RHBG: variants seen among roughly 807,000 people sequenced by gnomAD.
RHBG encodes Rh family B glycoprotein.
In RHBG, 39 loss-of-function variants were observed where a neutral mutation model predicts 40.1. The ratio of observed to expected loss-of-function variants is 0.97; its 90% CI spans 0.75 to 1.27. The LOEUF (loss-of-function observed/expected upper bound fraction) is 1.27. RHBG is among the 50% of genes most tolerant of loss of function. RHBG has a pLI of 0.00. For synonymous variants in RHBG, 237 were observed against 252.5 expected (o/e 0.94, Z 0.58); for missense variants, 549 against 588.1 (o/e 0.93, Z 0.69).
rs773474408 is a variant in RHBG at position 156,378,118 on chromosome 1, T to G, written c.503T>G (p.Phe168Cys). Residue 168 changes from phenylalanine to cysteine, a missense_variant, in exon 3 of 10, where the codon TTT becomes TGT. By Grantham distance (205) the Phe-to-Cys change is radical. Coordinates refer to ENST00000537040, the MANE Select transcript of RHBG (RefSeq NM_020407.5). ...GTGGTGCTGTTTGGCATCAATGAGTTTGTGCTCCTTCATCTCCTGGGGGTG... is the reference window on the plus strand; with the variant it reads ...GTGGTGCTGTTTGGCATCAATGAGTGTGTGCTCCTTCATCTCCTGGGGGTG... ...LEVVLFGINEFVLLHLLGVRD... is the reference protein window; with the variant it reads ...LEVVLFGINECVLLHLLGVRD... 8.1e-6 allele frequency: 13 copies of G among 1,612,050 alleles called. 1 individual carries two copies. The South Asian group carries it at 1.4e-4, about 18-fold the overall frequency.
At chr1:156,380,793 C>T (rs192205876) in intron 4 of RHBG, among the ~76,000 whole-genome samples, 1 of 151,386 alleles carries the variant, frequency 6.6e-6, no homozygotes, top group African/African-American at 2.4e-5. Context: ...TCTTTTTGGG[C>T]CAGTGCCCTT....
At chr1:156,371,577 T>C (rs965586865) in intron 1 of RHBG, 1 of 155,424 alleles carries the variant, frequency 6.4e-6, no homozygotes, top group African/African-American at 2.4e-5. Context: ...AGGTGGAAAC[T>C]TGGACTTGGG....
At position 156,369,438 on chromosome 1, in the gene RHBG, T is replaced by C; in HGVS notation, c.187+2T>C. The C allele has an allele frequency of 6.2e-7, 1 of 1,608,226 alleles. No homozygotes were observed. Among genetic ancestry groups the C allele is most frequent in the Non-Finnish European group, 8.5e-7 (1 of 1,176,696 alleles). On this transcript the variant is annotated splice_donor_variant, in intron 1 of 9. Coordinates refer to ENST00000537040, the MANE Select transcript of RHBG (RefSeq NM_020407.5). LOFTEE classifies it high-confidence loss of function. ...ATGAATTTTACTTTCGCTACCCAAG[T>C]GAGTGCGGGGTGAGGGCGCGCGGGA... is the stretch of plus-strand genomic sequence containing the variant.
At chr1:156,384,355 G>T (rs1557808650) in intron 8 of RHBG, 172 bp from the exon 9 acceptor site, 2 of 712,960 alleles carry the variant, frequency 2.8e-6, no homozygotes, top group Non-Finnish European at 5.2e-6. Flanking sequence ...CAAGCACTTT[G>T]CACAGGGCCT....
chr1:156,381,022 C>A (rs1184112268), intron 4 of RHBG, among the ~76,000 whole-genome samples: 2 of 152,106 alleles, frequency 1.3e-5, no homozygotes, highest in Non-Finnish European at 2.9e-5. Context: ...GCCTCAGCCC[C>A]CCAAGTAGCT....
chr1:156,378,115 A>T lies in RHBG; in HGVS notation c.500A>T (p.Glu167Val). The change falls in exon 3 of 10, where the codon GAG becomes GTG. Residue 167 changes from glutamate to valine, a missense_variant. Physicochemically the swap from Glu to Val is moderately radical, Grantham distance 121. Transcript: ENST00000537040. ...GAGGTGGTGCTGTTTGGCATCAATGAGTTTGTGCTCCTTCATCTCCTGGGG... is the reference window on the plus strand; with the variant it reads ...GAGGTGGTGCTGTTTGGCATCAATGTGTTTGTGCTCCTTCATCTCCTGGGG... ...LLEVVLFGIN[E>V]FVLLHLLGVR... 1 of 1,466,518 alleles carries T rather than the reference A, an allele frequency of 6.8e-7. No individual in the cohort carries two copies. The highest frequency in any genetic ancestry group is 3.0e-5 in the East Asian group (1 of 33,000). The allele number at this position is 1,466,518 out of a possible 1,614,324, so 90.8% of individuals were successfully genotyped here.
rs1667330141 is a variant in RHBG, at chr1:156,377,969, C to T, written c.375-21C>T. On this transcript the variant is annotated intron_variant, in intron 2 of 9. Transcript: ENST00000537040. The surrounding 1 kb of genome is among the most constrained non-coding windows in gnomAD (Gnocchi z 4.6). ...AGCCTCTCTGACCCCTCTTGTGCTC[C>T]CACTTCTGCCCCATCCCCAGCATGA... The T allele has an allele frequency of 2.0e-6, 3 of 1,523,072 alleles. No individual in the cohort carries two copies. The highest frequency in any genetic ancestry group is 1.8e-6 in the Non-Finnish European group (2 of 1,133,248). 94.3% of individuals were successfully genotyped at this position (1,523,072 alleles called of 1,614,324 possible). A position where few individuals can be genotyped will look rare whatever the true frequency, so the allele number is the denominator to read the frequency against.
Position 156,382,764 on chromosome 1 carries a change from C to T in RHBG, c.1129C>T (p.Pro377Ser). 2 of 1,614,182 alleles carry T rather than the reference C, an allele frequency of 1.2e-6. No individual in the cohort carries two copies. Among genetic ancestry groups the T allele is most frequent in the Non-Finnish European group, 1.7e-6 (2 of 1,180,026 alleles). ...TCCCTGCAGCCTGGAGAGTGTGTTT[C>T]CACTCATAGCCGAGGGCCAGCGCAG... ...AYGDGLESVF[P>S]LIAEGQRSAT... Residue 377 changes from proline to serine, a missense_variant, in exon 8 of 10, where the codon CCA becomes TCA. Transcript: ENST00000537040.
chr1:156,369,703 A>T (rs1358949780), intron 1 of RHBG, among the ~76,000 whole-genome samples: 1 of 152,160 alleles, frequency 6.6e-6, no homozygotes, highest in Non-Finnish European at 1.5e-5. Context: ...TGGCTGATTC[A>T]GGGTCACACA....
rs755542961 is a variant in RHBG, at chr1:156,378,390, G to T, written c.664G>T (p.Ala222Ser). 1.3e-6 allele frequency: 2 copies of T among 1,599,904 alleles called. No individual in the cohort carries two copies. The highest frequency in any genetic ancestry group is 1.1e-5 in the South Asian group (1 of 89,196). ...CTCCGTCTACCATTCAGACCTCTTCGCCATGATTGGTGAGGCCTTCGAGGT... is the reference window on the plus strand; with the variant it reads ...CTCCGTCTACCATTCAGACCTCTTCTCCATGATTGGTGAGGCCTTCGAGGT... ...QGSVYHSDLFAMIGTIFLWIF... is the reference protein window; with the variant it reads ...QGSVYHSDLFSMIGTIFLWIF... Residue 222 changes from alanine to serine, a missense_variant, in exon 4 of 10, where the codon GCC becomes TCC. Ala to Ser is a moderately conservative substitution (Grantham distance 99). Transcript: ENST00000537040.
chr1:156,370,345 A>G (rs555462570), intron 1 of RHBG, among the ~76,000 whole-genome samples: 1 of 152,022 alleles, frequency 6.6e-6, no homozygotes, highest in East Asian at 1.9e-4. Context: ...GCTACTTGGG[A>G]GGCTGAGGCA....
At position 156,377,901 on chromosome 1, in the gene RHBG, A is replaced by C; in HGVS notation, c.375-89A>C. ...ACTCCAACCCCACCCCACCCACCAC[A>C]TCATGCTGTCCTGGCTTCATGCCAG... On this transcript the variant is annotated intron_variant, in intron 2 of 9. Coordinates refer to ENST00000537040, the MANE Select transcript of RHBG (RefSeq NM_020407.5). The surrounding 1 kb of genome is among the most constrained non-coding windows in gnomAD (Gnocchi z 4.6). 14 of 1,229,972 alleles carry C rather than the reference A, an allele frequency of 1.1e-5. No individual in the cohort carries two copies. Among genetic ancestry groups the C allele is most frequent in the East Asian group, 4.9e-5 (2 of 40,488 alleles). The allele number at this position is 1,229,972 out of a possible 1,614,324, so 76.2% of individuals were successfully genotyped here.
chr1:156,370,317 T>A (rs58162377), intron 1 of RHBG, among the ~76,000 whole-genome samples: 1 of 151,630 alleles, frequency 6.6e-6, no homozygotes, highest in African/African-American at 2.4e-5. Flanking sequence ...GGTGTGGTGG[T>A]GGGTGTCTGT....
In RHBG at chr1:156,382,421, G is replaced by A. The variant is rs927563656; in HGVS notation, c.1112+220G>A. The A allele has an allele frequency of 4.0e-5, 26 of 648,742 alleles. 2 individuals carry two copies. The South Asian group carries it at 4.4e-4, about 11-fold the overall frequency. The allele number at this position is 648,742 out of a possible 1,614,324, so 40.2% of individuals were successfully genotyped here. ...TCATGGAACAAATGACTTCAAGAGT[G>A]TTACTTGTTACTGAAGGGTCAGTAA... is the stretch of plus-strand genomic sequence containing the variant. On this transcript the variant is annotated intron_variant, in intron 7 of 9. Coordinates refer to ENST00000537040, the MANE Select transcript of RHBG (RefSeq NM_020407.5).
In RHBG at chr1:156,384,987, G is replaced by A. The variant is rs1392824172; in HGVS notation, c.*142G>A. The stretch of plus-strand genomic sequence containing the variant: ...AAGGAGGCCCCTTTCCACAGGCAGC[G>A]TCTCCACAGGGAGAGGGGCAACAGG... On this transcript the variant is annotated 3_prime_UTR_variant, in exon 10 of 10. Transcript: ENST00000537040. The A allele has an allele frequency of 1.5e-5, 9 of 606,564 alleles. No individual in the cohort carries two copies. The highest frequency in any genetic ancestry group is 8.3e-5 in the Admixed American group (3 of 36,348). The allele number at this position is 606,564 out of a possible 1,614,324, so 37.6% of individuals were successfully genotyped here.
At chr1:156,372,215 A>G (rs1570986112) in intron 1 of RHBG, among the ~76,000 whole-genome samples, 1 of 152,346 alleles carries the variant, frequency 6.6e-6, no homozygotes, top group East Asian at 1.9e-4. Context: ...CTGAGAGCCC[A>G]TCTGGTTCAC....
chr1:156,384,601 G>T lies in RHBG; in HGVS notation c.1308+1G>T. 6.4e-7 allele frequency: 1 copy of T among 1,570,338 alleles called. No homozygotes were observed. Among genetic ancestry groups the T allele is most frequent in the East Asian group, 2.3e-5 (1 of 44,358 alleles). On this transcript the variant is annotated splice_donor_variant, in intron 9 of 9. Transcript: ENST00000537040. LOFTEE classifies it high-confidence loss of function. ...CTACGAGGACCAAGTTCACTGGCAG[G>T]TGAGACATTGCTGGGCTCTCACACC...
chr1:156,379,180 G>A (rs1345114796), intron 4 of RHBG, among the ~76,000 whole-genome samples: 1 of 151,900 alleles, frequency 6.6e-6, no homozygotes. Flanking sequence ...ATTTTTGGTA[G>A]AGACAGGGTT....
chr1:156,372,101 G>A (rs911676530), intron 1 of RHBG, among the ~76,000 whole-genome samples: 2 of 152,178 alleles, frequency 1.3e-5, no homozygotes, highest in Non-Finnish European at 1.5e-5. Flanking sequence ...CCTTTGATTC[G>A]GGAGATGAAA....
Sources: allele counts gnomAD v4.1 joint callset (sites outside exome capture counted in the v4.1 genomes callset), GRCh38; gene constraint gnomAD v4.1.1; non-coding constraint Gnocchi (gnomAD v3.1); transcripts MANE v1.5; gene names NCBI Gene and HGNC (gene_info 2026-07-23, HGNC 2026-07-21).